NOTCH1: variants seen among roughly 807,000 people sequenced by gnomAD.
NOTCH1 encodes notch receptor 1.
In NOTCH1, 37 loss-of-function variants were observed where a neutral mutation model predicts 254.8. The ratio of observed to expected loss-of-function variants is 0.15; its 90% confidence interval spans 0.11 to 0.19. NOTCH1 has a LOEUF of 0.19. Among genes scored for constraint, NOTCH1 ranks in the 10% least tolerant of loss-of-function variants. The pLI, the probability that NOTCH1 is intolerant of heterozygous loss-of-function variation, is 1.00. For missense variants in NOTCH1, 2,972 were observed against 3,708.6 expected (o/e 0.80, Z 5.16); for synonymous variants, 1,731 against 1,618.1 (o/e 1.07, Z -1.68).
intron 2 of NOTCH1, among the ~76,000 whole-genome samples, chr9:136,541,599 T>G (rs1692480759): frequency 6.6e-6 from 1 of 152,066 alleles, no homozygotes. Context: ...GGCTAACTCC[T>G]GGACAGACCT....
At position 136,540,274 on chromosome 9, in the gene NOTCH1, T is replaced by C. The variant is rs555172981; in HGVS notation, c.140+3750A>G. ...GTCTGCCCTGTCCCCACCGGGGGCC[T>C]GGCCTGGAGCAGAACGCAGCACACA... On this transcript the variant is annotated intron_variant, in intron 2 of 33. Coordinates refer to ENST00000651671, the MANE Select transcript of NOTCH1 (RefSeq NM_017617.5). This position sits in a 1 kb window ranked among gnomAD's most constrained non-coding sequence, Gnocchi z 4.4. Among the ~76,000 whole-genome samples the C allele has an allele frequency of 1.4e-4, 22 of 152,224 alleles. No individual in the cohort carries two copies. Among genetic ancestry groups the C allele is most frequent in the African/African-American group, 5.3e-4 (22 of 41,532 alleles).
Position 136,513,655 on chromosome 9 carries a change from G to A in NOTCH1, c.2208-118C>T, listed in dbSNP as rs993834952. 44 of 1,169,548 alleles carry A rather than the reference G, an allele frequency of 3.8e-5. No individual in the cohort carries two copies. Among genetic ancestry groups the A allele is most frequent in the African/African-American group, 2.4e-4 (16 of 65,926 alleles). The allele number at this position is 1,169,548 out of a possible 1,614,324, so 72.4% of individuals were successfully genotyped here. A position where few individuals can be genotyped will look rare whatever the true frequency, so the allele number is the denominator to read the frequency against. On this transcript the variant is annotated intron_variant, in intron 13 of 33. Coordinates refer to ENST00000651671, the MANE Select transcript of NOTCH1 (RefSeq NM_017617.5). This position sits in a 1 kb window ranked among gnomAD's most constrained non-coding sequence, Gnocchi z 4.7. ...CGGAGGTGCCCATCCACTCAGACTC[G>A]CAGAGTCCTTTAGTGGGGGCAGGCT...
At position 136,545,599 on chromosome 9, in the gene NOTCH1, C is replaced by T. The variant is rs542760013; in HGVS notation, c.61+127G>A. 1.9e-4 allele frequency: 137 copies of T among 703,002 alleles called. 3 individuals carry two copies. The South Asian group carries it at 2.0e-3, about 10-fold the overall frequency. 43.5% of individuals were successfully genotyped at this position (703,002 alleles called of 1,614,324 possible). A position where few individuals can be genotyped will look rare whatever the true frequency, so the allele number is the denominator to read the frequency against. On this transcript the variant is annotated intron_variant, in intron 1 of 33. Transcript: ENST00000651671. The surrounding 1 kb of genome is among the most constrained non-coding windows in gnomAD (Gnocchi z 6.8). ...CTCCAGAACCCCACGCCCCGGGCCGCCCGCTTTTCCCTCTCCATGCTGGCC... is the reference window on the plus strand; with the variant it reads ...CTCCAGAACCCCACGCCCCGGGCCGTCCGCTTTTCCCTCTCCATGCTGGCC...
At chr9:136,511,125 C>A (rs1179888825) in intron 16 of NOTCH1, 27 bp downstream of exon 16, 1 of 1,612,914 alleles carries the variant, frequency 6.2e-7, no homozygotes. Context: ...CCCATCCCAG[C>A]CCTCACCGGG....
Position 136,516,114 on chromosome 9 carries a change from G to A in NOTCH1, c.1556-20C>T, listed in dbSNP as rs1268079353. On this transcript the variant is annotated intron_variant, in intron 9 of 33. Coordinates refer to ENST00000651671, the MANE Select transcript of NOTCH1 (RefSeq NM_017617.5). ...TGAAGCCTGGGGCCGGGGAGGGGAG[G>A]GGAGGGAGTCATGTGCAACAGCACT... 1.9e-6 allele frequency: 3 copies of A among 1,567,820 alleles called. No individual in the cohort carries two copies. The highest frequency in any genetic ancestry group is 1.3e-5 in the African/African-American group (1 of 74,120).
chr9:136,495,452 T>C lies in NOTCH1; in HGVS notation c.*619A>G, dbSNP rs954391265. ...ACCATCTAAAACACATGGCAACATCTAACCCATATGCTTTCACTTGTTTCC... is the reference window on the plus strand; with the variant it reads ...ACCATCTAAAACACATGGCAACATCCAACCCATATGCTTTCACTTGTTTCC... On this transcript the variant is annotated 3_prime_UTR_variant, in exon 34 of 34. Transcript: ENST00000651671. The C allele has an allele frequency of 2.5e-6, 1 of 399,434 alleles. No homozygotes were observed. Among genetic ancestry groups the C allele is most frequent in the Non-Finnish European group, 4.4e-6 (1 of 226,534 alleles). 24.7% of individuals were successfully genotyped at this position (399,434 alleles called of 1,614,324 possible). A position where few individuals can be genotyped will look rare whatever the true frequency, so the allele number is the denominator to read the frequency against.
Position 136,497,141 on chromosome 9 carries a change from C to T in NOTCH1, c.6598G>A (p.Val2200Met), listed in dbSNP as rs1462371500. 7 of 1,612,636 alleles carry T rather than the reference C, an allele frequency of 4.3e-6. No individual in the cohort carries two copies. Among genetic ancestry groups the T allele is most frequent in the Non-Finnish European group, 5.9e-6 (7 of 1,179,916 alleles). ...CCATGGGGTGACTCCAGGGAGTCCACGGGCGAGAGCATGCCGGAGCTGTCC... is the reference window on the plus strand; with the variant it reads ...CCATGGGGTGACTCCAGGGAGTCCATGGGCGAGAGCATGCCGGAGCTGTCC... ...LLDSSGMLSP[V>M]DSLESPHGYL... is the part of the protein sequence containing the mutation. The change falls in exon 34 of 34, where the codon GTG becomes ATG. Residue 2200 changes from valine to methionine, a missense_variant. Val to Met is a conservative substitution (Grantham distance 21, BLOSUM62 1). Around this residue, in one of 8 missense-constraint regions of NOTCH1, gnomAD observed 529 missense variants for 529.2 expected, o/e 1.00. Coordinates refer to ENST00000651671, the MANE Select transcript of NOTCH1 (RefSeq NM_017617.5).
chr9:136,532,328 G>A (rs957744262), intron 2 of NOTCH1, among the ~76,000 whole-genome samples: 5 of 152,182 alleles, frequency 3.3e-5, no homozygotes, highest in Admixed American at 6.5e-5. Context: ...GCCCAGCCTC[G>A]CCCAGTGCCT....
chr9:136,532,317 T>C (rs907347480), intron 2 of NOTCH1, among the ~76,000 whole-genome samples: 3 of 152,222 alleles, frequency 2.0e-5, no homozygotes, highest in Non-Finnish European at 4.4e-5. Flanking sequence ...CACTGAATAA[T>C]GCCCAGCCTC....
chr9:136,536,016 CA>C (rs1359717687), intron 2 of NOTCH1, among the ~76,000 whole-genome samples: 3 of 149,360 alleles, frequency 2.0e-5, no homozygotes, highest in Non-Finnish European at 4.4e-5. Flanking sequence ...GGATCCCTCC[CA>C]GGAGCAACGG....
In NOTCH1 at chr9:136,522,901, C is replaced by T. The variant is rs1247729687; in HGVS notation, c.691G>A (p.Gly231Ser). The T allele has an allele frequency of 6.5e-7, 1 of 1,540,718 alleles. No homozygotes were observed. Reference sequence around the variant, plus strand: ...ACGTCGCCCGTGGGGCGGCAGGTGCCCCCGTTCTGGCAGGGCGAGGGGCTG... The same window carrying T: ...ACGTCGCCCGTGGGGCGGCAGGTGCTCCCGTTCTGGCAGGGCGAGGGGCTG... ...PCSPSPCQNG[G>S]TCRPTGDVTH... Residue 231 changes from glycine (G) to serine (S), a missense_variant, in exon 4 of 34, where the codon GGC becomes AGC. By Grantham distance (56) the Gly-to-Ser change is moderately conservative. Transcript: ENST00000651671.
At chr9:136,538,796 G>C (rs375104324) in intron 2 of NOTCH1, among the ~76,000 whole-genome samples, 1 of 152,224 alleles carries the variant, frequency 6.6e-6, no homozygotes, top group Non-Finnish European at 1.5e-5. Context: ...GGGCTTTTAC[G>C]AGGCTGGGTA....
chr9:136,541,271 T>C (rs1031804610), intron 2 of NOTCH1, among the ~76,000 whole-genome samples: 1 of 152,118 alleles, frequency 6.6e-6, no homozygotes, highest in Non-Finnish European at 1.5e-5. Flanking sequence ...AAAACCACTT[T>C]TTCCAATCCC....
chr9:136,504,538 G>A (rs1843046175), intron 26 of NOTCH1, 135 bp downstream of exon 26: 10 of 1,024,188 alleles, frequency 9.8e-6, no homozygotes, highest in Admixed American at 2.9e-5. Context: ...AGGTCCTCTC[G>A]GAACCTCCGT....
intron 2 of NOTCH1, among the ~76,000 whole-genome samples, chr9:136,524,351 T>C (rs563058230): frequency 3.3e-4 from 51 of 152,268 alleles, no homozygotes; most frequent in Admixed American, 2.6e-3. Context: ...GGGAACAAGC[T>C]AGAGACTAGG....
At chr9:136,524,424 G>A (rs1301164540) in intron 2 of NOTCH1, among the ~76,000 whole-genome samples, 1 of 152,202 alleles carries the variant, frequency 6.6e-6, no homozygotes, top group Non-Finnish European at 1.5e-5. Flanking sequence ...CTACACCCGC[G>A]GAGAGCCATG....
intron 12 of NOTCH1, among the ~76,000 whole-genome samples, chr9:136,515,067 A>G (rs960448708): frequency 7.2e-5 from 11 of 152,164 alleles, no homozygotes; most frequent in African/African-American, 2.7e-4. Flanking sequence ...CACTCTGCCA[A>G]CACGGCCTGG....
rs567323027 is a variant in NOTCH1, at chr9:136,496,165, G to A, written c.7574C>T (p.Pro2525Leu). 3 of 1,610,290 alleles carry A rather than the reference G, an allele frequency of 1.9e-6. No individual in the cohort carries two copies. Among genetic ancestry groups the A allele is most frequent in the South Asian group, 1.1e-5 (1 of 90,192 alleles). ...ESPDQWSSSSPHSNVSDWSEG... is the reference protein window; with the variant it reads ...ESPDQWSSSSLHSNVSDWSEG... ...GGACCAGTCGGAGACGTTGGAATGC[G>A]GGGACGAGCTGGACCACTGGTCAGG... is the stretch of plus-strand genomic sequence containing the variant. The change falls in exon 34 of 34, where the codon CCG (proline) becomes CTG (leucine). Residue 2525 changes from proline (P) to leucine (L), a missense_variant. Around this residue, in one of 8 missense-constraint regions of NOTCH1, gnomAD observed 85 missense variants for 126.1 expected, o/e 0.67. Transcript: ENST00000651671.
intron 2 of NOTCH1, among the ~76,000 whole-genome samples, chr9:136,529,344 G>A (rs896792417): frequency 6.6e-6 from 1 of 152,230 alleles, no homozygotes; most frequent in Non-Finnish European, 1.5e-5. Context: ...CAAGGCTTCT[G>A]GGGCAGGGGG....
Sources: allele counts gnomAD v4.1 joint callset (sites outside exome capture counted in the v4.1 genomes callset), GRCh38; gene constraint gnomAD v4.1.1; regional missense constraint gnomAD v4.1.1; non-coding constraint Gnocchi (gnomAD v3.1); transcripts MANE v1.5; gene names NCBI Gene and HGNC (gene_info 2026-07-23, HGNC 2026-07-21).